Variants in CEP128 observed in about 807,000 individuals in gnomAD.
CEP128 encodes the protein centrosomal protein 128, also known as centrosomal protein 128kDa.
Under a neutral mutation model 156.7 loss-of-function variants are expected in CEP128, and 132 were observed. The ratio of observed to expected loss-of-function variants is 0.84; its 90% CI spans 0.73 to 0.97. CEP128 has a LOEUF of 0.97. Among genes scored for constraint, CEP128 ranks in the 50% least tolerant of loss-of-function variants. The pLI, the probability that CEP128 is intolerant of heterozygous loss-of-function variation, is 0.00. For missense variants in CEP128, 1,252 were observed against 1,281.9 expected, an observed-to-expected ratio of 0.98 and a Z score of 0.36; for synonymous variants, 469 against 448.9, an observed-to-expected ratio of 1.04 and a Z score of -0.57.
At chr14:80,725,818 G>T (rs920639816) in intron 19 of CEP128, among the ~76,000 whole-genome samples, 1 of 152,036 alleles carries the variant, frequency 6.6e-6, no homozygotes, top group African/African-American at 2.4e-5. Context: ...GAATAATCAG[G>T]CTTTGGTATT....
chr14:80,587,457 G>C (rs564547514), intron 19 of CEP128, among the ~76,000 whole-genome samples: 3 of 152,264 alleles, frequency 2.0e-5, no homozygotes, highest in Admixed American at 2.0e-4. Flanking sequence ...TCCAAATACA[G>C]GTACTCATGT....
At chr14:80,672,189 TCAAG>T (rs1895869145) in intron 19 of CEP128, among the ~76,000 whole-genome samples, 1 of 151,826 alleles carries the variant, frequency 6.6e-6, no homozygotes, top group African/African-American at 2.4e-5. Context: ...ATAAAAAAAC[TCAAG>T]CAAGCTGGGC....
chr14:80,901,343 T>C (rs889369477), intron 6 of CEP128, among the ~76,000 whole-genome samples: 1 of 152,230 alleles, frequency 6.6e-6, no homozygotes, highest in African/African-American at 2.4e-5. Context: ...ATAGTATGAT[T>C]TATAATAAAA....
intron 18 of CEP128, among the ~76,000 whole-genome samples, chr14:80,747,631 A>T (rs1899170504): frequency 1.3e-5 from 2 of 152,178 alleles, no homozygotes; most frequent in African/African-American, 2.4e-5. Flanking sequence ...ACATAATGAA[A>T]CCCTGTCTCT....
intron 16 of CEP128, among the ~76,000 whole-genome samples, chr14:80,763,242 C>T (rs1218084051): frequency 6.6e-6 from 1 of 152,146 alleles, no homozygotes; most frequent in African/African-American, 2.4e-5. Flanking sequence ...GAGTTTCATT[C>T]TTCTAGGTAG....
chr14:80,876,616 C>G (rs923968009), intron 8 of CEP128, among the ~76,000 whole-genome samples: 1 of 146,728 alleles, frequency 6.8e-6, no homozygotes, highest in Non-Finnish European at 1.5e-5. Context: ...AAAAAAGCAT[C>G]AATAAGACTA....
chr14:80,820,535 G>C (rs118068039), intron 13 of CEP128, among the ~76,000 whole-genome samples: 3,405 of 152,258 alleles, frequency 0.022, 63 homozygotes, highest in Middle Eastern at 0.078. Context: ...CTTTACCAGA[G>C]CTCTTCCTCT....
rs528256723 is a variant in CEP128 at position 80,838,358 on chromosome 14, G to A, written c.850-80C>T. ...AATTATTATGGGCACAGTTTAAAAG[G>A]AGAAAAGTGGAAAAGTTTTCAGAAG... On this transcript the variant is annotated intron_variant, in intron 10 of 24. Coordinates refer to ENST00000555265, the MANE Select transcript of CEP128 (RefSeq NM_152446.5). 1.8e-4 allele frequency: 183 copies of A among 1,003,718 alleles called. 1 individual carries two copies. The highest frequency in any genetic ancestry group is 2.7e-4 in the South Asian group (19 of 70,590). The allele number at this position is 1,003,718 out of a possible 1,614,324, so 62.2% of individuals were successfully genotyped here. A position where few individuals can be genotyped will look rare whatever the true frequency, so the allele number is the denominator to read the frequency against.
At chr14:80,909,038 T>C (rs1375735332) in intron 4 of CEP128, among the ~76,000 whole-genome samples, 4 of 152,166 alleles carry the variant, frequency 2.6e-5, no homozygotes, top group Non-Finnish European at 5.9e-5. Flanking sequence ...ACTCTGATCC[T>C]AGCCTCTCTG....
chr14:80,583,409 G>A (rs1164895455), intron 19 of CEP128, among the ~76,000 whole-genome samples: 2 of 151,402 alleles, frequency 1.3e-5, no homozygotes, highest in African/African-American at 4.9e-5. Flanking sequence ...TGAAACTTTT[G>A]GTCAAGAGGC....
At chr14:80,660,085 C>G (rs721867) in intron 19 of CEP128, among the ~76,000 whole-genome samples, 38,584 of 152,004 alleles carry the variant, frequency 0.25, 5,004 homozygotes, top group East Asian at 0.37. Context: ...CTTCTGTGTA[C>G]GCAAAGGTAT....
At chr14:80,667,046 C>T (rs925992073) in intron 19 of CEP128, among the ~76,000 whole-genome samples, 2 of 152,212 alleles carry the variant, frequency 1.3e-5, no homozygotes, top group African/African-American at 4.8e-5. Flanking sequence ...CAAACCCTCA[C>T]AGACCTCCAA....
At chr14:80,510,853 A>G (rs1404404257) in intron 23 of CEP128, among the ~76,000 whole-genome samples, 1 of 151,854 alleles carries the variant, frequency 6.6e-6, no homozygotes, top group Non-Finnish European at 1.5e-5. Flanking sequence ...CTTTTTCAAT[A>G]TCAATTGAAA....
chr14:80,693,188 A>G (rs1294710063), intron 19 of CEP128, among the ~76,000 whole-genome samples: 1 of 152,186 alleles, frequency 6.6e-6, no homozygotes, highest in East Asian at 1.9e-4. Flanking sequence ...CAATACCTTG[A>G]CTCACATTAT....
intron 18 of CEP128, among the ~76,000 whole-genome samples, chr14:80,755,044 T>C (rs1899584595): frequency 6.6e-6 from 1 of 152,016 alleles, no homozygotes; most frequent in South Asian, 2.1e-4. Context: ...TTTGAGTCAG[T>C]GGGCTGGGAA....
chr14:80,718,622 G>A (rs1595277573), intron 19 of CEP128, among the ~76,000 whole-genome samples: 1 of 152,316 alleles, frequency 6.6e-6, no homozygotes, highest in East Asian at 1.9e-4. Flanking sequence ...TTAGTTTCAC[G>A]TGATCTTGTA....
chr14:80,729,056 G>GTGTGT (rs1898133887), intron 19 of CEP128, among the ~76,000 whole-genome samples: 18 of 88,218 alleles, frequency 2.0e-4, no homozygotes, highest in South Asian at 7.9e-4. Flanking sequence ...TGGGCTGGTG[G>GTGTGT]GGGTGTGTGT....
chr14:80,741,362 A>G (rs1489272566), intron 19 of CEP128, among the ~76,000 whole-genome samples: 1 of 152,020 alleles, frequency 6.6e-6, no homozygotes. Flanking sequence ...GCAGCTCTTT[A>G]CTCTTGTCTT....
intron 19 of CEP128, among the ~76,000 whole-genome samples, chr14:80,594,558 T>G (rs1466251903): frequency 2.0e-5 from 3 of 152,182 alleles, no homozygotes; most frequent in Non-Finnish European, 4.4e-5. Flanking sequence ...GAGAACATTT[T>G]TGCAATCTCT....
Sources: allele counts gnomAD v4.1 joint callset (sites outside exome capture counted in the v4.1 genomes callset), GRCh38; gene constraint gnomAD v4.1.1; transcripts MANE v1.5; gene names NCBI Gene and HGNC (gene_info 2026-07-23, HGNC 2026-07-21).